RIC8B: variants seen among roughly 807,000 people sequenced by gnomAD.
RIC8B encodes the protein chaperone Ric-8B.
In RIC8B, 16 loss-of-function variants were observed where a neutral mutation model predicts 57.5. The ratio of observed to expected loss-of-function variants is 0.28; its 90% CI spans 0.19 to 0.42. The LOEUF is 0.42. Ranked by LOEUF, RIC8B falls within the 10% of genes least tolerant of loss-of-function variation. The pLI, the probability that RIC8B is intolerant of heterozygous loss-of-function variation, is 1.00. For synonymous variants in RIC8B, 216 were observed against 250.8 expected (o/e 0.86, Z 1.31); for missense variants, 481 against 677.0 (o/e 0.71, Z 3.21).
chr12:106,885,384 A>C (rs368518109), intron 9 of RIC8B, among the ~76,000 whole-genome samples: 1 of 152,176 alleles, frequency 6.6e-6, no homozygotes, highest in East Asian at 1.9e-4. Flanking sequence ...GAGTTGGGGA[A>C]GGCCAACTAA....
chr12:106,785,862 A>G (rs185300353), intron 2 of RIC8B, among the ~76,000 whole-genome samples: 16 of 139,384 alleles, frequency 1.1e-4, no homozygotes, highest in Admixed American at 1.1e-3. Context: ...AAGTATATAA[A>G]TTATTTAGAA....
Position 106,814,975 on chromosome 12 carries a change from C to T in RIC8B, c.412C>T (p.Leu138Phe). The T allele has an allele frequency of 6.2e-7, 1 of 1,614,220 alleles. No homozygotes were observed. The highest frequency in any genetic ancestry group is 8.5e-7 in the Non-Finnish European group (1 of 1,180,030). Residue 138 changes from leucine to phenylalanine, a missense_variant, in exon 3 of 10, where the codon CTT becomes TTT. Physicochemically the swap from Leu to Phe is conservative, Grantham distance 22. Around this residue, in one of 3 missense-constraint regions of RIC8B, gnomAD observed 421 missense variants for 560.9 expected, o/e 0.75. Transcript: ENST00000392837. ...SQMAQQLSLE[L>F]NLAAKLCNLL... ...GATGGCACAGCAGCTCAGCCTGGAA[C>T]TTAATCTTGCTGCAAAGCTCTGTAA...
intron 9 of RIC8B, chr12:106,878,881 C>A: frequency 1.8e-6 from 1 of 570,998 alleles, no homozygotes; most frequent in Non-Finnish European, 2.2e-6. Context: ...ATAAAAGGAT[C>A]GGAACTATTA....
intron 4 of RIC8B, among the ~76,000 whole-genome samples, chr12:106,837,548 C>T (rs551958927): frequency 6.6e-6 from 1 of 151,534 alleles, no homozygotes; most frequent in Admixed American, 6.6e-5. Context: ...TGATACCTGC[C>T]TGAAATAGTG....
At chr12:106,836,483 T>G (rs967731987) in intron 4 of RIC8B, among the ~76,000 whole-genome samples, 1 of 152,170 alleles carries the variant, frequency 6.6e-6, no homozygotes, top group Non-Finnish European at 1.5e-5. Flanking sequence ...CTAAAAAGCT[T>G]CTTCTCTTGC....
intron 9 of RIC8B, among the ~76,000 whole-genome samples, chr12:106,884,486 G>C (rs1378879524): frequency 2.0e-5 from 3 of 152,104 alleles, no homozygotes; most frequent in African/African-American, 7.2e-5. Context: ...CCTTGGATGA[G>C]TCATTCAGTC....
At chr12:106,875,270 T>A (rs1950610934) in intron 9 of RIC8B, among the ~76,000 whole-genome samples, 2 of 152,288 alleles carry the variant, frequency 1.3e-5, no homozygotes, top group South Asian at 4.1e-4. Context: ...AAGCCTCATT[T>A]GACATTTTTT....
intron 7 of RIC8B, among the ~76,000 whole-genome samples, chr12:106,857,688 C>T (rs1949764093): frequency 6.6e-6 from 1 of 152,124 alleles, no homozygotes; most frequent in South Asian, 2.1e-4. Flanking sequence ...ACTAGCAGCT[C>T]ACCTTAACAT....
At chr12:106,793,671 AG>A (rs930161334) in intron 2 of RIC8B, among the ~76,000 whole-genome samples, 21 of 152,104 alleles carry the variant, frequency 1.4e-4, no homozygotes, top group African/African-American at 4.8e-4. Flanking sequence ...GTGTGTGATC[AG>A]GAAAAGAGAA....
chr12:106,826,789 A>T (rs1050392163), intron 4 of RIC8B, among the ~76,000 whole-genome samples: 2 of 152,038 alleles, frequency 1.3e-5, no homozygotes, highest in African/African-American at 4.8e-5. Context: ...AAGTAAATAA[A>T]ATATATAAAA....
intron 2 of RIC8B, among the ~76,000 whole-genome samples, chr12:106,789,718 A>G (rs1201237668): frequency 1.3e-5 from 2 of 152,134 alleles, no homozygotes; most frequent in African/African-American, 2.4e-5. Flanking sequence ...ACAATTCAAG[A>G]TGAGATTTGG....
intron 4 of RIC8B, among the ~76,000 whole-genome samples, chr12:106,832,365 C>T (rs1486723117): frequency 6.6e-6 from 1 of 152,018 alleles, no homozygotes; most frequent in Non-Finnish European, 1.5e-5. Context: ...GTCATGAGTT[C>T]GAGGCCAGCC....
chr12:106,787,275 C>G (rs1025930448), intron 2 of RIC8B, among the ~76,000 whole-genome samples: 1 of 152,160 alleles, frequency 6.6e-6, no homozygotes. Flanking sequence ...CAAACAAATT[C>G]ATTTCTGTGA....
chr12:106,804,606 A>C (rs1184622792), intron 2 of RIC8B, among the ~76,000 whole-genome samples: 1 of 152,244 alleles, frequency 6.6e-6, no homozygotes, highest in Non-Finnish European at 1.5e-5. Flanking sequence ...TAACCTATTA[A>C]ATGTTTGGAA....
chr12:106,812,758 T>C lies in RIC8B; in HGVS notation c.133-1938T>C, dbSNP rs2045392266. On this transcript the variant is annotated intron_variant, in intron 2 of 9. Coordinates refer to ENST00000392837, the MANE Select transcript of RIC8B (RefSeq NM_001330145.2). ...TTTTCCCTGTTCTGTATACTTTTAA[T>C]TAATGGGCACATTATACTTTCCACT... Among the ~76,000 whole-genome samples the C allele has an allele frequency of 2.0e-5, 3 of 152,186 alleles. No individual in the cohort carries two copies. The South Asian group carries it at 6.2e-4, about 31-fold the overall frequency.
At chr12:106,853,453 CTTTTTTTTTTTTTTTTTTTT>C (rs758876525) in intron 7 of RIC8B, among the ~76,000 whole-genome samples, 3 of 38,022 alleles carry the variant, frequency 7.9e-5, no homozygotes, top group African/African-American at 2.6e-4. Flanking sequence ...GCTTTATAGT[CTTTTTTTTTTTTTTTTTTTT>C]TTTTTTTTTT....
chr12:106,871,134 A>T, intron 9 of RIC8B, 192 bp downstream of exon 9: 1 of 435,692 alleles, frequency 2.3e-6, no homozygotes, highest in Non-Finnish European at 4.0e-6. Flanking sequence ...CTGGATGTGC[A>T]TTCCTAAACA....
intron 4 of RIC8B, among the ~76,000 whole-genome samples, chr12:106,837,610 AATT>A (rs1751830394): frequency 6.6e-6 from 1 of 151,132 alleles, no homozygotes; most frequent in Non-Finnish European, 1.5e-5. Context: ...GATTAAATAA[AATT>A]ATTTATTTAC....
intron 4 of RIC8B, among the ~76,000 whole-genome samples, chr12:106,833,926 C>T (rs1426186624): frequency 6.6e-6 from 1 of 152,104 alleles, no homozygotes; most frequent in African/African-American, 2.4e-5. Context: ...GAACCTAGCA[C>T]CTTCTCCCCC....
Sources: gnomAD v4.1 joint callset for allele counts (sites outside exome capture counted in the v4.1 genomes callset) on GRCh38, gnomAD v4.1.1 for gene constraint, gnomAD v4.1.1 regional missense constraint, MANE v1.5 for transcripts, NCBI Gene and HGNC (gene_info 2026-07-23, HGNC 2026-07-21) for gene names.